Variants in CCDC141 observed in about 807,000 individuals in gnomAD.
The protein encoded by CCDC141 is coiled-coil domain containing 141.
Under a neutral mutation model 181.0 loss-of-function variants are expected in CCDC141, and 168 were observed. The ratio of observed to expected loss-of-function variants is 0.93; its 90% CI spans 0.82 to 1.05. CCDC141 has a LOEUF of 1.05. Ranked by LOEUF, CCDC141 falls within the 50% of genes least tolerant of loss-of-function variation. CCDC141 has a pLI of 0.00. For synonymous variants in CCDC141, 666 were observed against 642.3 expected (o/e 1.04, Z -0.56); for missense variants, 1,902 against 1,788.5 (o/e 1.06, Z -1.14).
chr2:178,853,039 C>T (rs1685231432), intron 20 of CCDC141, among the ~76,000 whole-genome samples: 1 of 152,048 alleles, frequency 6.6e-6, no homozygotes, highest in Non-Finnish European at 1.5e-5. Flanking sequence ...TCAGTCTTAG[C>T]TTTATGTCTT....
intron 22 of CCDC141, 47 bp downstream of exon 22, chr2:178,845,579 C>T (rs758401869): frequency 1.9e-6 from 2 of 1,049,540 alleles, no homozygotes; most frequent in Non-Finnish European, 3.0e-6. Context: ...TGACTTTAAC[C>T]TCAAAGCAAA....
intron 5 of CCDC141, among the ~76,000 whole-genome samples, chr2:178,949,559 G>A (rs1040549028): frequency 2.0e-5 from 3 of 152,170 alleles, no homozygotes; most frequent in Non-Finnish European, 4.4e-5. Flanking sequence ...TTCTCATTAG[G>A]CTATATTTAT....
At position 178,855,747 on chromosome 2, in the gene CCDC141, C is replaced by T. The variant is rs116696201; in HGVS notation, c.2866-206G>A. Among the ~76,000 whole-genome samples, 657 of 152,210 alleles carry T rather than the reference C, an allele frequency of 4.3e-3. 7 individuals carry two copies. The highest frequency in any genetic ancestry group is 0.015 in the African/African-American group (632 of 41,522). Reference sequence around the variant, plus strand: ...ATTCAGCAAATAAATAGAAAATGTACACAGGTGTATTCCAGATTTTGAGAC... The same window carrying T: ...ATTCAGCAAATAAATAGAAAATGTATACAGGTGTATTCCAGATTTTGAGAC... On this transcript the variant is annotated intron_variant, in intron 18 of 23. Transcript: ENST00000443758.
chr2:179,047,464 C>T, intron 1 of CCDC141, 58 bp from the exon 2 acceptor site: 1 of 1,347,930 alleles, frequency 7.4e-7, no homozygotes, highest in Non-Finnish European at 9.7e-7. Context: ...TTCCTCTTCA[C>T]CCTTCTCATT....
chr2:178,968,477 C>A (rs1474196337), intron 4 of CCDC141, among the ~76,000 whole-genome samples: 1 of 152,110 alleles, frequency 6.6e-6, no homozygotes, highest in Non-Finnish European at 1.5e-5. Context: ...CAACATGCTC[C>A]TGAATGACTA....
intron 6 of CCDC141, among the ~76,000 whole-genome samples, chr2:178,939,487 C>T (rs1343580597): frequency 6.6e-6 from 1 of 152,090 alleles, no homozygotes. Flanking sequence ...CTGGTCATTG[C>T]TCACTTTCTA....
At chr2:178,902,912 A>G (rs1687774018) in intron 8 of CCDC141, among the ~76,000 whole-genome samples, 1 of 148,968 alleles carries the variant, frequency 6.7e-6, no homozygotes, top group Admixed American at 7.0e-5. Context: ...ATTTACAAGA[A>G]AAAAACAAAC....
intron 14 of CCDC141, among the ~76,000 whole-genome samples, chr2:178,870,883 G>A (rs1476741379): frequency 6.6e-6 from 1 of 152,160 alleles, no homozygotes; most frequent in Non-Finnish European, 1.5e-5. Flanking sequence ...TAGGGACTGT[G>A]TTAAGCAGTC....
In CCDC141 at chr2:178,871,462, G is replaced by C. The variant is rs367700441; in HGVS notation, c.2170C>G (p.Arg724Gly). 2.5e-6 allele frequency: 4 copies of C among 1,612,378 alleles called. No individual in the cohort carries two copies. The highest frequency in any genetic ancestry group is 3.4e-6 in the Non-Finnish European group (4 of 1,179,220). Residue 724 changes from arginine to glycine, a missense_variant, in exon 14 of 24, where the codon CGA (arginine) becomes GGA (glycine). Arg to Gly is a moderately radical substitution (Grantham distance 125, BLOSUM62 -2). Transcript: ENST00000443758. The stretch of plus-strand genomic sequence containing the variant: ...GGCTTCATGTCATTCCATTTTTGTC[G>C]TAGATCTAAAATGAACTGGAGGCTC... ...GGSLQFILDL[R>G]QKWNDMKPQF...
intron 6 of CCDC141, among the ~76,000 whole-genome samples, chr2:178,925,564 A>G (rs898783442): frequency 1.6e-4 from 24 of 152,238 alleles, no homozygotes; most frequent in Non-Finnish European, 2.9e-4. Flanking sequence ...TTAATTACAC[A>G]GGAATTCTGG....
chr2:178,978,839 G>A (rs1229784355), intron 2 of CCDC141, among the ~76,000 whole-genome samples, 164 bp from the exon 3 acceptor site: 1 of 152,218 alleles, frequency 6.6e-6, no homozygotes, highest in East Asian at 1.9e-4. Context: ...GAAGGAAGGA[G>A]CGATCAGGAT....
Position 178,861,983 on chromosome 2 carries a change from C to G in CCDC141, c.2724+3784G>C, listed in dbSNP as rs148202855. 5.8e-3 allele frequency among the ~76,000 whole-genome samples: 890 copies of G among 152,316 alleles called. 1 individual carries two copies. The highest frequency in any genetic ancestry group is 0.011 in the Admixed American group (163 of 15,304). On this transcript the variant is annotated intron_variant, in intron 17 of 23. Transcript: ENST00000443758. The stretch of plus-strand genomic sequence containing the variant: ...TGCTTCCTTTCCTGCCAGTGGGTAG[C>G]AGTCCATGGTCATTTTGTCAGTGGC...
intron 11 of CCDC141, among the ~76,000 whole-genome samples, chr2:178,883,305 A>G (rs975942805): frequency 2.6e-5 from 4 of 152,188 alleles, no homozygotes; most frequent in Admixed American, 6.5e-5. Flanking sequence ...AACACAAAGG[A>G]TAAATGCTTG....
intron 17 of CCDC141, among the ~76,000 whole-genome samples, chr2:178,863,958 GCTGGCTC>G (rs1273849998): frequency 6.6e-6 from 1 of 152,180 alleles, no homozygotes; most frequent in Non-Finnish European, 1.5e-5. Context: ...ATCCCGGCCG[GCTGGCTC>G]CAAACACAGT....
chr2:179,019,743 T>A (rs910035670), intron 2 of CCDC141, among the ~76,000 whole-genome samples: 3 of 152,050 alleles, frequency 2.0e-5, no homozygotes, highest in Admixed American at 2.0e-4. Context: ...GTAAGATCAT[T>A]TTTATAAATA....
At chr2:178,900,560 T>C (rs1322735792) in intron 8 of CCDC141, among the ~76,000 whole-genome samples, 1 of 151,962 alleles carries the variant, frequency 6.6e-6, no homozygotes, top group African/African-American at 2.4e-5. Flanking sequence ...TCTTGGCACA[T>C]AAAGAAGCAA....
At chr2:178,940,079 A>G (rs551277760) in intron 6 of CCDC141, among the ~76,000 whole-genome samples, 1 of 152,342 alleles carries the variant, frequency 6.6e-6, no homozygotes, top group Non-Finnish European at 1.5e-5. Context: ...ACAGAAAACC[A>G]TTTATGAAGA....
chr2:178,816,493 C>T, the CCDC141 span, among the ~76,000 whole-genome samples: 21,454 of 152,190 alleles, frequency 0.14, 1,753 homozygotes, highest in Non-Finnish European at 0.19. Context: ...AATAAAGCTG[C>T]TATAAACATC....
rs546346071 is a variant in CCDC141 at position 179,039,981 on chromosome 2, T to C, written c.225+7303A>G. The stretch of plus-strand genomic sequence containing the variant: ...CTAGACTCATAATATTAGAATTAGG[T>C]ATATCTAGATGATAAAACTACTAGT... On this transcript the variant is annotated intron_variant, in intron 2 of 23. Coordinates refer to ENST00000443758, the MANE Select transcript of CCDC141 (RefSeq NM_173648.4). 4.6e-5 allele frequency among the ~76,000 whole-genome samples: 7 copies of C among 152,316 alleles called. No homozygotes were observed. The South Asian group carries it at 1.5e-3, about 32-fold the overall frequency.
Sources: gnomAD v4.1 joint callset for allele counts (sites outside exome capture counted in the v4.1 genomes callset) on GRCh38, gnomAD v4.1.1 for gene constraint, MANE v1.5 for transcripts, NCBI Gene and HGNC (gene_info 2026-07-23, HGNC 2026-07-21) for gene names.